XRCC2: variants seen among roughly 807,000 people sequenced by gnomAD.
XRCC2 encodes the protein X-ray repair cross complementing 2.
XRCC2 carries 24 observed loss-of-function variants against 27.3 expected under a neutral mutation model. The observed-to-expected ratio is 0.88, with a 90% CI of 0.64 to 1.24. XRCC2 has a LOEUF of 1.24. XRCC2 is among the 50% of genes most tolerant of loss of function. The pLI is 0.00. For synonymous variants in XRCC2, 106 were observed against 115.4 expected (o/e 0.92, Z 0.52); for missense variants, 321 against 325.8 (o/e 0.99, Z 0.11).
chr7:152,658,787 C>A (rs1474337227), intron 2 of XRCC2, among the ~76,000 whole-genome samples: 2 of 152,194 alleles, frequency 1.3e-5, no homozygotes, highest in Non-Finnish European at 2.9e-5. Flanking sequence ...TGAATAATAT[C>A]AACTGCATGT....
chr7:152,651,618 A>G (rs1350280412), intron 2 of XRCC2, among the ~76,000 whole-genome samples: 1 of 152,028 alleles, frequency 6.6e-6, no homozygotes, highest in Non-Finnish European at 1.5e-5. Context: ...AATTTAAAAA[A>G]TGATTCCACC....
At chr7:152,651,851 T>C (rs370903297) in intron 2 of XRCC2, among the ~76,000 whole-genome samples, 4 of 151,946 alleles carry the variant, frequency 2.6e-5, no homozygotes. Flanking sequence ...TCAGTTCTCA[T>C]AGACTTCTCT....
rs552524855 is a variant in XRCC2, at chr7:152,656,594, C to T, written c.121+4107G>A. On this transcript the variant is annotated intron_variant, in intron 2 of 2. Coordinates refer to ENST00000359321, the MANE Select transcript of XRCC2 (RefSeq NM_005431.2). ...CAGCTATAGGATCTTCAGTAGTTTT[C>T]AGTAAACTTTTTTGTTAGTTACTGA... Among the ~76,000 whole-genome samples, 74 of 125,920 alleles carry T rather than the reference C, an allele frequency of 5.9e-4. No homozygotes were observed. The South Asian group carries it at 0.014, about 23-fold the overall frequency. 82.6% of individuals were successfully genotyped at this position (125,920 alleles called of 152,430 possible).
At chr7:152,662,774 C>A (rs573796226) in intron 1 of XRCC2, among the ~76,000 whole-genome samples, 356 of 151,176 alleles carry the variant, frequency 2.4e-3, no homozygotes, top group Non-Finnish European at 4.5e-3. Flanking sequence ...GGGGTTTCAC[C>A]ATTTTAGCCG....
chr7:152,649,586 T>C (rs1433277884), intron 2 of XRCC2, among the ~76,000 whole-genome samples: 1 of 152,172 alleles, frequency 6.6e-6, no homozygotes, highest in African/African-American at 2.4e-5. Flanking sequence ...CCGGCCAGGC[T>C]CACATGCACT....
rs745657340 is a variant in XRCC2, at chr7:152,676,031, C to A, written c.39+10G>T. On this transcript the variant is annotated intron_variant, in intron 1 of 2. Coordinates refer to ENST00000359321, the MANE Select transcript of XRCC2 (RefSeq NM_005431.2). ...CCCATCTCCCTCACTCCCAACCCGG[C>A]GGCTCTCACCTCGGTCCCAGACTCA... The A allele has an allele frequency of 1.2e-6, 2 of 1,613,702 alleles. No individual in the cohort carries two copies. Among genetic ancestry groups the A allele is most frequent in the Non-Finnish European group, 1.7e-6 (2 of 1,179,790 alleles).
chr7:152,655,524 C>G (rs2098030348), intron 2 of XRCC2, among the ~76,000 whole-genome samples: 1 of 152,024 alleles, frequency 6.6e-6, no homozygotes, highest in African/African-American at 2.4e-5. Context: ...TCCTGGGCAA[C>G]ATGGCAAAAC....
chr7:152,650,970 T>A (rs2098028278), intron 2 of XRCC2, among the ~76,000 whole-genome samples: 1 of 152,178 alleles, frequency 6.6e-6, no homozygotes, highest in African/African-American at 2.4e-5. Flanking sequence ...GATGGAGTCT[T>A]GTTCTGTTGC....
chr7:152,658,618 C>T (rs1313127924), intron 2 of XRCC2, among the ~76,000 whole-genome samples: 1 of 152,220 alleles, frequency 6.6e-6, no homozygotes, highest in African/African-American at 2.4e-5. Context: ...CTGGTAACTA[C>T]CATTTTACTT....
At chr7:152,665,547 C>T (rs2098035257) in intron 1 of XRCC2, among the ~76,000 whole-genome samples, 1 of 122,348 alleles carries the variant, frequency 8.2e-6, no homozygotes, top group Non-Finnish European at 1.6e-5. Flanking sequence ...GGTTGGAGTA[C>T]AATGGCACGA....
intron 2 of XRCC2, among the ~76,000 whole-genome samples, chr7:152,649,998 G>A (rs1228620556): frequency 3.3e-5 from 5 of 152,174 alleles, no homozygotes; most frequent in East Asian, 1.9e-4. Context: ...CTGGGCACAC[G>A]GAGCCCCCAC....
At chr7:152,650,617 G>A (rs574085752) in intron 2 of XRCC2, among the ~76,000 whole-genome samples, 7 of 152,322 alleles carry the variant, frequency 4.6e-5, no homozygotes, top group Non-Finnish European at 7.3e-5. Flanking sequence ...AGGGCTGGGC[G>A]CAGTGGCTCA....
intron 1 of XRCC2, among the ~76,000 whole-genome samples, chr7:152,662,987 C>G (rs1011965446): frequency 3.2e-4 from 49 of 152,078 alleles, no homozygotes; most frequent in African/African-American, 1.1e-3. Context: ...GTATGAAGCA[C>G]TGTGCTAGGT....
intron 1 of XRCC2, among the ~76,000 whole-genome samples, chr7:152,675,772 G>A (rs2098040745): frequency 6.6e-6 from 1 of 152,118 alleles, no homozygotes; most frequent in South Asian, 2.1e-4. Context: ...ATCTGGGCAG[G>A]CAGCAAGTCT....
At chr7:152,653,104 G>C (rs2098029221) in intron 2 of XRCC2, among the ~76,000 whole-genome samples, 1 of 152,132 alleles carries the variant, frequency 6.6e-6, no homozygotes, top group Non-Finnish European at 1.5e-5. Flanking sequence ...ACCCAGTGGG[G>C]GTAATTGAAT....
At chr7:152,673,822 G>A (rs902196353) in intron 1 of XRCC2, among the ~76,000 whole-genome samples, 22 of 152,230 alleles carry the variant, frequency 1.4e-4, no homozygotes, top group Admixed American at 1.2e-3. Context: ...GTTACAGTGA[G>A]CCAAGATCGC....
intron 2 of XRCC2, among the ~76,000 whole-genome samples, chr7:152,653,121 G>C (rs1172720231): frequency 6.6e-6 from 1 of 152,102 alleles, no homozygotes; most frequent in East Asian, 1.9e-4. Flanking sequence ...GAATCATGGG[G>C]GCGGGTCTTT....
rs144079294 is a variant in XRCC2 at position 152,649,007 on chromosome 7, C to T, written c.478G>A (p.Val160Ile). The change falls in exon 3 of 3, where the codon GTC becomes ATC. Residue 160 changes from valine to isoleucine, a missense_variant. Transcript: ENST00000359321. ...AAGTTCACACTTTCTCCTCCATTGACGCGGTCTATCCAGTAAAAAGCTGAC... is the reference window on the plus strand; with the variant it reads ...AAGTTCACACTTTCTCCTCCATTGATGCGGTCTATCCAGTAAAAAGCTGAC... Reference protein sequence around the residue: ...SLSAFYWIDRVNGGESVNLQE... With the variant: ...SLSAFYWIDRINGGESVNLQE... 1.4e-5 allele frequency: 23 copies of T among 1,614,050 alleles called. No homozygotes were observed. The highest frequency in any genetic ancestry group is 5.3e-5 in the African/African-American group (4 of 74,928).
chr7:152,665,596 T>C (rs2098035290), intron 1 of XRCC2, among the ~76,000 whole-genome samples: 1 of 134,868 alleles, frequency 7.4e-6, no homozygotes, highest in Non-Finnish European at 1.5e-5. Context: ...TCCTCCCACC[T>C]CGGCCTCCCA....
Sources: allele counts gnomAD v4.1 joint callset (sites outside exome capture counted in the v4.1 genomes callset), GRCh38; gene constraint gnomAD v4.1.1; transcripts MANE v1.5; gene names NCBI Gene and HGNC (gene_info 2026-07-23, HGNC 2026-07-21).